Variants in PTPRG observed in about 807,000 individuals in gnomAD.
The protein encoded by PTPRG is receptor-type tyrosine-protein phosphatase gamma.
Under a neutral mutation model 165.3 loss-of-function variants are expected in PTPRG, and 102 were observed. The observed-to-expected ratio is 0.62, with a 90% CI of 0.53 to 0.73. The LOEUF is 0.73. PTPRG is among the 30% of genes least tolerant of loss of function. PTPRG has a pLI of 0.00. For synonymous variants in PTPRG, 675 were observed against 669.5 expected (o/e 1.01, Z -0.13); for missense variants, 1,866 against 1,861.4 (o/e 1.00, Z -0.05).
intron 2 of PTPRG, among the ~76,000 whole-genome samples, chr3:61,975,184 A>G (rs1318201117): frequency 2.0e-5 from 3 of 152,168 alleles, no homozygotes; most frequent in African/African-American, 7.2e-5. Flanking sequence ...GTTAATAAAG[A>G]ATTGGTGTGA....
chr3:61,819,350 G>T (rs1184787342), intron 2 of PTPRG, among the ~76,000 whole-genome samples: 2 of 152,144 alleles, frequency 1.3e-5, no homozygotes, highest in Admixed American at 1.3e-4. Context: ...ATAAGTAGAG[G>T]TCGGTAAATG....
chr3:62,131,504 T>G (rs960194776), intron 5 of PTPRG, among the ~76,000 whole-genome samples: 3 of 152,188 alleles, frequency 2.0e-5, no homozygotes, highest in Non-Finnish European at 4.4e-5. Context: ...TCTTGATTCC[T>G]CTGAATTGAC....
At chr3:62,163,633 G>A (rs967741914) in intron 7 of PTPRG, among the ~76,000 whole-genome samples, 3 of 152,202 alleles carry the variant, frequency 2.0e-5, no homozygotes, top group South Asian at 2.1e-4. Context: ...TTTTACAGTT[G>A]TTGTAAGCTT....
rs71629138 is a variant in PTPRG at position 61,676,456 on chromosome 3, CA to C, written c.86-72404del. Among the ~76,000 whole-genome samples, 150 of 21,878 alleles carry C rather than the reference CA, an allele frequency of 6.9e-3. 20 individuals carry two copies. The highest frequency in any genetic ancestry group is 0.012 in the Admixed American group (16 of 1,390). The allele number at this position is 21,878 out of a possible 152,430, so 14.4% of individuals were successfully genotyped here. ...TGGGCGACAGAGCCAGACTCCATCT[CA>C]AAAAAAAAAAAAAAAAAGAAAATTA... On this transcript the variant is annotated intron_variant, in intron 1 of 29. Coordinates refer to ENST00000474889, the MANE Select transcript of PTPRG (RefSeq NM_002841.4).
chr3:61,597,826 C>G (rs572122984), intron 1 of PTPRG, among the ~76,000 whole-genome samples: 1 of 152,254 alleles, frequency 6.6e-6, no homozygotes, highest in African/African-American at 2.4e-5. Flanking sequence ...TGTTAGTTGT[C>G]ATTAGGGACA....
intron 2 of PTPRG, among the ~76,000 whole-genome samples, chr3:61,751,983 G>A (rs2033452212): frequency 6.6e-6 from 1 of 151,752 alleles, no homozygotes; most frequent in Admixed American, 6.6e-5. Flanking sequence ...GACATAGCAT[G>A]CCTCTGTCTC....
chr3:61,852,482 T>C (rs1239481449), intron 2 of PTPRG, among the ~76,000 whole-genome samples: 1 of 152,246 alleles, frequency 6.6e-6, no homozygotes, highest in Non-Finnish European at 1.5e-5. Flanking sequence ...CTTCGGATTT[T>C]CTTACCTGAA....
At chr3:62,286,311 T>C (rs1702657423) in intron 28 of PTPRG, among the ~76,000 whole-genome samples, 1 of 152,200 alleles carries the variant, frequency 6.6e-6, no homozygotes, top group African/African-American at 2.4e-5. Context: ...CTAAGATTGA[T>C]ACTTATTCCA....
chr3:61,799,993 T>G (rs2035184456), intron 2 of PTPRG, among the ~76,000 whole-genome samples: 1 of 152,206 alleles, frequency 6.6e-6, no homozygotes, highest in East Asian at 1.9e-4. Flanking sequence ...ACTTCCTAGC[T>G]GTGTACCTGG....
At chr3:62,027,013 C>T (rs7434122) in intron 4 of PTPRG, among the ~76,000 whole-genome samples, 1 of 151,756 alleles carries the variant, frequency 6.6e-6, no homozygotes, top group African/African-American at 2.4e-5. Flanking sequence ...ATTGTCTGCT[C>T]TTCCTATTGT....
At chr3:61,934,224 T>C (rs1233450882) in intron 2 of PTPRG, among the ~76,000 whole-genome samples, 3 of 152,228 alleles carry the variant, frequency 2.0e-5, no homozygotes, top group East Asian at 1.9e-4. Context: ...TATTTTTAAA[T>C]GTATTAATTA....
At chr3:62,248,262 A>G (rs768887011) in intron 15 of PTPRG, among the ~76,000 whole-genome samples, 8 of 152,314 alleles carry the variant, frequency 5.3e-5, no homozygotes, top group Non-Finnish European at 1.0e-4. Flanking sequence ...TGCATGACAT[A>G]TGGGAAAAGT....
intron 1 of PTPRG, among the ~76,000 whole-genome samples, chr3:61,600,190 A>ATGTGTGTGTGTGTGTG (rs1293051250): frequency 1.8e-3 from 217 of 118,530 alleles, no homozygotes; most frequent in East Asian, 9.5e-3. Context: ...ATATATATAT[A>ATGTGTGTGTGTGTGTG]TATGTGTGTG....
rs191014000 is a variant in PTPRG, at chr3:62,193,791, T to C, written c.1219-1271T>C. 2.6e-4 allele frequency among the ~76,000 whole-genome samples: 40 copies of C among 152,358 alleles called. No individual in the cohort carries two copies. The South Asian group carries it at 7.5e-3, about 28-fold the overall frequency. ...GTTCAGAGGTTTTCAATAGCTGCGTTGGGAAAACCCACTCCCAATCGGTGG... is the reference window on the plus strand; with the variant it reads ...GTTCAGAGGTTTTCAATAGCTGCGTCGGGAAAACCCACTCCCAATCGGTGG... On this transcript the variant is annotated intron_variant, in intron 9 of 29. Transcript: ENST00000474889.
intron 28 of PTPRG, among the ~76,000 whole-genome samples, chr3:62,288,281 C>T (rs986347627): frequency 2.6e-5 from 4 of 151,634 alleles, no homozygotes; most frequent in Non-Finnish European, 1.5e-5. Flanking sequence ...AAATAGAAGG[C>T]GATAGTAAAA....
chr3:61,640,277 C>T (rs1702024539), intron 1 of PTPRG, among the ~76,000 whole-genome samples: 1 of 152,182 alleles, frequency 6.6e-6, no homozygotes, highest in South Asian at 2.1e-4. Context: ...GGGCAAAGAA[C>T]AGACAACAAT....
chr3:62,007,833 C>T (rs548838314), intron 4 of PTPRG, among the ~76,000 whole-genome samples: 1 of 152,276 alleles, frequency 6.6e-6, no homozygotes, highest in African/African-American at 2.4e-5. Context: ...AGCCCTGAGG[C>T]AGGTGGTGTT....
chr3:61,624,184 T>C (rs1701541809), intron 1 of PTPRG, among the ~76,000 whole-genome samples: 1 of 152,134 alleles, frequency 6.6e-6, no homozygotes. Flanking sequence ...CCTGTGAATT[T>C]AAATCCCGAC....
At chr3:62,292,623 CAGT>C in intron 29 of PTPRG, 67 bp downstream of exon 29, 1 of 1,547,492 alleles carries the variant, frequency 6.5e-7, no homozygotes, top group Non-Finnish European at 8.8e-7. Context: ...CAGTTTAGAG[CAGT>C]AGTTCTCAAT....
Sources: allele counts gnomAD v4.1 joint callset (sites outside exome capture counted in the v4.1 genomes callset), GRCh38; gene constraint gnomAD v4.1.1; transcripts MANE v1.5; gene names NCBI Gene and HGNC (gene_info 2026-07-23, HGNC 2026-07-21).